TJP2: variants seen among roughly 807,000 people sequenced by gnomAD.
TJP2 encodes the protein tight junction protein 2.
Under a neutral mutation model 133.1 loss-of-function variants are expected in TJP2, and 91 were observed. The ratio of observed to expected loss-of-function variants is 0.68; its 90% CI spans 0.58 to 0.81. The LOEUF (loss-of-function observed/expected upper bound fraction) is 0.81. TJP2 is among the 40% of genes least tolerant of loss of function. The probability of loss-of-function intolerance (pLI) is 0.00; values close to 1 mark genes in which losing one functional copy is unlikely to be tolerated. For synonymous variants in TJP2, 592 were observed against 583.4 expected (o/e 1.01, Z -0.21); for missense variants, 1,541 against 1,565.6 (o/e 0.98, Z 0.26).
At chr9:69,151,830 G>T in intron 2 of TJP2, 1 of 1,230,602 alleles carries the variant, frequency 8.1e-7, no homozygotes, top group South Asian at 4.1e-5. Context: ...AAATTTGTTC[G>T]AATAGTTACC....
chr9:69,201,497 C>T (rs1280826772), intron 1 of TJP2, among the ~76,000 whole-genome samples: 1 of 152,110 alleles, frequency 6.6e-6, no homozygotes, highest in Non-Finnish European at 1.5e-5. Context: ...GGAAACCCTC[C>T]CTGGCCAACC....
chr9:69,188,249 C>T (rs1263863272), intron 1 of TJP2, among the ~76,000 whole-genome samples: 1 of 152,074 alleles, frequency 6.6e-6, no homozygotes, highest in Admixed American at 6.6e-5. Flanking sequence ...GGAAGGAGAT[C>T]ACAGGGCTGA....
intron 19 of TJP2, 89 bp from the exon 20 acceptor site, chr9:69,249,282 TACTC>T: frequency 6.5e-6 from 10 of 1,543,012 alleles, no homozygotes; most frequent in Non-Finnish European, 8.8e-6. Flanking sequence ...CTTCTGGACT[TACTC>T]AAGTTTGCAG....
At chr9:69,253,982 G>A (rs1831525166) in intron 22 of TJP2, 17 of 582,532 alleles carry the variant, frequency 2.9e-5, no homozygotes, top group South Asian at 2.8e-4. Flanking sequence ...TCTTAGGTCA[G>A]GGAGCACCTG....
chr9:69,225,511 A>G, intron 6 of TJP2, 104 bp downstream of exon 6: 1 of 800,272 alleles, frequency 1.2e-6, no homozygotes, highest in Non-Finnish European at 2.1e-6. Flanking sequence ...AGTGAGAGTC[A>G]GTGGTAAGAC....
intron 1 of TJP2, among the ~76,000 whole-genome samples, chr9:69,130,341 T>C (rs2133233078): frequency 6.6e-6 from 1 of 152,232 alleles, no homozygotes; most frequent in Admixed American, 6.5e-5. Flanking sequence ...AAAACTTCCA[T>C]TTGAGGGTTC....
intron 2 of TJP2, among the ~76,000 whole-genome samples, chr9:69,160,794 CAA>C (rs2132851545): frequency 6.6e-6 from 1 of 152,312 alleles, no homozygotes; most frequent in Admixed American, 6.5e-5. Context: ...TGGCAGCAGA[CAA>C]GAGAAGAGAG....
chr9:69,166,267 G>T (rs1230521806), intron 2 of TJP2, among the ~76,000 whole-genome samples: 1 of 152,006 alleles, frequency 6.6e-6, no homozygotes, highest in Non-Finnish European at 1.5e-5. Context: ...TGTACCACCA[G>T]GCCTAGCTGT....
Position 69,218,310 on chromosome 9 carries a change from ATT to A in TJP2, c.294_295del (p.Ser99ValfsTer38). The A allele has an allele frequency of 3.1e-6, 5 of 1,614,206 alleles. No individual in the cohort carries two copies. Among genetic ancestry groups the A allele is most frequent in the Non-Finnish European group, 4.2e-6 (5 of 1,180,038 alleles). On this transcript the variant is annotated frameshift_variant, in exon 4 of 23. Coordinates refer to ENST00000377245, the MANE Select transcript of TJP2 (RefSeq NM_004817.4). LOFTEE classifies it high-confidence loss of function. ...GGCACCCCCATGGAGGATGTGCTTC[ATT>A]CGTTTGCAGTTCAGCAGCTCAGAAA...
chr9:69,174,176 A>G (rs890576018), upstream of TJP2: 18 of 1,298,900 alleles, frequency 1.4e-5, no homozygotes, highest in East Asian at 1.6e-4. Context: ...CGGAGGCGCC[A>G]CGCTCGGGTC....
chr9:69,174,138 GAC>G (rs1824864141), upstream of TJP2: 1 of 1,248,572 alleles, frequency 8.0e-7, no homozygotes, highest in Non-Finnish European at 1.0e-6. Flanking sequence ...CGGCCAATTT[GAC>G]AGTTTCCCGG....
At chr9:69,197,736 A>G (rs189253639) in intron 1 of TJP2, among the ~76,000 whole-genome samples, 64 of 152,290 alleles carry the variant, frequency 4.2e-4, no homozygotes, top group African/African-American at 1.4e-3. Context: ...CATTTTGCAG[A>G]TAGGCAACCA....
At chr9:69,212,015 G>A (rs2133206848) in intron 1 of TJP2, among the ~76,000 whole-genome samples, 1 of 152,302 alleles carries the variant, frequency 6.6e-6, no homozygotes, top group Admixed American at 6.5e-5. Flanking sequence ...AGAGATGGAA[G>A]TCCCAGTGGT....
At chr9:69,196,098 G>A (rs1367620927) in intron 1 of TJP2, among the ~76,000 whole-genome samples, 1 of 152,208 alleles carries the variant, frequency 6.6e-6, no homozygotes, top group East Asian at 1.9e-4. Flanking sequence ...AATGTGCTGG[G>A]ATTACAGGCA....
chr9:69,129,387 T>C (rs1822389128), intron 1 of TJP2, among the ~76,000 whole-genome samples: 1 of 151,736 alleles, frequency 6.6e-6, no homozygotes, highest in Admixed American at 6.6e-5. Flanking sequence ...TGGCGTGTGC[T>C]GTCCTTCCAG....
intron 1 of TJP2, among the ~76,000 whole-genome samples, chr9:69,199,349 C>T (rs886982814): frequency 4.6e-5 from 7 of 152,038 alleles, no homozygotes; most frequent in African/African-American, 9.7e-5. Flanking sequence ...GGCAACATAG[C>T]GAGACCTTGT....
chr9:69,185,713 C>T (rs1047858689), intron 1 of TJP2, among the ~76,000 whole-genome samples: 3 of 151,944 alleles, frequency 2.0e-5, no homozygotes, highest in African/African-American at 7.3e-5. Flanking sequence ...TTACTTTTTT[C>T]CCTGTCTTTA....
At chr9:69,235,336 T>A (rs371025384) in intron 12 of TJP2, among the ~76,000 whole-genome samples, 2 of 140,688 alleles carry the variant, frequency 1.4e-5, no homozygotes, top group Admixed American at 7.7e-5. Flanking sequence ...TATTATTATT[T>A]TTTTGAGACG....
chr9:69,174,176 A>C (rs890576018), upstream of TJP2: 29 of 1,299,010 alleles, frequency 2.2e-5, no homozygotes, highest in Non-Finnish European at 2.6e-5. Flanking sequence ...CGGAGGCGCC[A>C]CGCTCGGGTC....
Sources: allele counts gnomAD v4.1 joint callset (sites outside exome capture counted in the v4.1 genomes callset), GRCh38; gene constraint gnomAD v4.1.1; transcripts MANE v1.5; gene names NCBI Gene and HGNC (gene_info 2026-07-23, HGNC 2026-07-21).